The following STPG2 variants were observed in gnomAD, a reference collection of about 807,000 sequenced individuals.
The protein encoded by STPG2 is sperm tail PG-rich repeat containing 2, also known as sperm-tail PG-rich repeat-containing protein 2.
A neutral mutation model predicts 54.2 loss-of-function variants in STPG2; 56 were observed. That is an observed-to-expected ratio of 1.03 (90% CI 0.83 to 1.29). STPG2 has a LOEUF of 1.29. Among genes scored for constraint, STPG2 ranks in the 50% most tolerant of loss-of-function variants. STPG2 has a pLI of 0.00. For missense variants in STPG2, 596 were observed against 544.9 expected, an observed-to-expected ratio of 1.09 and a Z score of -0.93; for synonymous variants, 200 against 181.8, an observed-to-expected ratio of 1.10 and a Z score of -0.81.
chr4:97,844,501 C>T (rs941760396), intron 8 of STPG2, among the ~76,000 whole-genome samples: 1 of 151,970 alleles, frequency 6.6e-6, no homozygotes, highest in Non-Finnish European at 1.5e-5. Context: ...TGTCTTTTCA[C>T]TAATTTCTGA....
At chr4:98,060,015 A>T (rs1405274001) in intron 5 of STPG2, among the ~76,000 whole-genome samples, 1 of 152,126 alleles carries the variant, frequency 6.6e-6, no homozygotes, top group East Asian at 1.9e-4. Context: ...GACAAAGATG[A>T]ACTCTCTCAC....
intron 4 of STPG2, among the ~76,000 whole-genome samples, chr4:97,464,547 G>T (rs1419855257): frequency 1.3e-5 from 2 of 152,084 alleles, no homozygotes; most frequent in Non-Finnish European, 2.9e-5. Flanking sequence ...CTCCCAAGTA[G>T]CTGGAATTAC....
chr4:97,565,726 C>T (rs1159356223), intron 10 of STPG2, among the ~76,000 whole-genome samples: 4 of 152,210 alleles, frequency 2.6e-5, no homozygotes, highest in Non-Finnish European at 5.9e-5. Flanking sequence ...TGGGTACCAG[C>T]AGCGGTGGCT....
intron 8 of STPG2, among the ~76,000 whole-genome samples, chr4:97,852,482 T>C (rs1370408913): frequency 6.6e-6 from 1 of 152,160 alleles, no homozygotes; most frequent in Non-Finnish European, 1.5e-5. Context: ...AAGGACACTG[T>C]GCACAAGGCA....
chr4:97,567,200 A>G (rs948494067), intron 10 of STPG2, among the ~76,000 whole-genome samples: 5 of 146,010 alleles, frequency 3.4e-5, no homozygotes, highest in African/African-American at 1.2e-4. Flanking sequence ...ACACACACAC[A>G]CACACACACA....
chr4:98,043,385 T>C (rs1031574804), intron 5 of STPG2, among the ~76,000 whole-genome samples: 4 of 152,104 alleles, frequency 2.6e-5, no homozygotes, highest in African/African-American at 9.7e-5. Context: ...TTATTAACTA[T>C]TTGTCTTGTA....
chr4:97,869,913 G>A (rs1036198509), intron 8 of STPG2, among the ~76,000 whole-genome samples: 1 of 151,410 alleles, frequency 6.6e-6, no homozygotes, highest in African/African-American at 2.4e-5. Flanking sequence ...TCACTGTTTG[G>A]CAGAGTCAGG....
At chr4:97,534,530 G>T (rs986880794) in intron 4 of STPG2, among the ~76,000 whole-genome samples, 7 of 152,020 alleles carry the variant, frequency 4.6e-5, no homozygotes, top group Non-Finnish European at 1.0e-4. Flanking sequence ...TTTTTGAAAA[G>T]ACTTTTTTTT....
At chr4:97,463,040 T>A (rs184915359) in intron 4 of STPG2, among the ~76,000 whole-genome samples, 20 of 152,298 alleles carry the variant, frequency 1.3e-4, no homozygotes, top group Admixed American at 1.3e-3. Flanking sequence ...TCCTTTTATT[T>A]CTGAATCTAT....
At chr4:97,951,261 C>G (rs1306562769) in intron 7 of STPG2, among the ~76,000 whole-genome samples, 3 of 152,146 alleles carry the variant, frequency 2.0e-5, no homozygotes, top group African/African-American at 7.2e-5. Context: ...CTCATACAGA[C>G]AGCTCTGCAT....
intron 9 of STPG2, among the ~76,000 whole-genome samples, chr4:97,811,025 T>C (rs936977604): frequency 1.3e-5 from 2 of 152,126 alleles, no homozygotes; most frequent in African/African-American, 4.8e-5. Context: ...GGCCTTTAGT[T>C]CCTTTTTTGT....
At chr4:98,140,820 T>C (rs975624299) in intron 1 of STPG2, among the ~76,000 whole-genome samples, 1 of 151,838 alleles carries the variant, frequency 6.6e-6, no homozygotes, top group Non-Finnish European at 1.5e-5. Flanking sequence ...AAAAAAAGAA[T>C]TAAAAAGAAG....
At chr4:97,904,193 T>C (rs1731302038) in intron 8 of STPG2, among the ~76,000 whole-genome samples, 1 of 152,186 alleles carries the variant, frequency 6.6e-6, no homozygotes, top group Non-Finnish European at 1.5e-5. Flanking sequence ...CAGACTTAAA[T>C]GTCCCTGTCT....
chr4:97,919,509 T>A lies in STPG2; in HGVS notation c.1044+24388A>T, dbSNP rs181889670. 4.2e-4 allele frequency among the ~76,000 whole-genome samples: 64 copies of A among 151,938 alleles called. 1 individual carries two copies. The highest frequency in any genetic ancestry group is 1.4e-3 in the African/African-American group (60 of 41,532). ...GAAAAGAGGGAACTTAACTATAGTT[T>A]TCATAAACACAAAAAAAAGAAGAGA... On this transcript the variant is annotated intron_variant, in intron 8 of 10. Coordinates refer to ENST00000295268, the MANE Select transcript of STPG2 (RefSeq NM_174952.3).
At chr4:97,849,360 G>A (rs1729075743) in intron 8 of STPG2, among the ~76,000 whole-genome samples, 1 of 151,962 alleles carries the variant, frequency 6.6e-6, no homozygotes, top group Non-Finnish European at 1.5e-5. Context: ...ATAGGCGTGG[G>A]CAAGGACTTC....
At chr4:97,662,316 A>T (rs1377625465) in intron 10 of STPG2, among the ~76,000 whole-genome samples, 2 of 152,204 alleles carry the variant, frequency 1.3e-5, no homozygotes, top group African/African-American at 4.8e-5. Context: ...TGCAAATCAA[A>T]ACTACAATAA....
intron 9 of STPG2, among the ~76,000 whole-genome samples, chr4:97,836,877 TAATA>T (rs1370567671): frequency 1.3e-5 from 2 of 149,290 alleles, no homozygotes; most frequent in Non-Finnish European, 3.0e-5. Context: ...AACAATAAAT[TAATA>T]TTTAGTTAAT....
intron 8 of STPG2, among the ~76,000 whole-genome samples, chr4:97,881,068 A>C (rs960784012): frequency 6.6e-6 from 1 of 152,064 alleles, no homozygotes; most frequent in African/African-American, 2.4e-5. Flanking sequence ...CCAGGAAATA[A>C]AGGAAGTGGG....
intron 5 of STPG2, among the ~76,000 whole-genome samples, chr4:98,028,413 T>A (rs1271482095): frequency 6.6e-6 from 1 of 152,188 alleles, no homozygotes; most frequent in Non-Finnish European, 1.5e-5. Context: ...CAAAGTCTAG[T>A]TTCCACATAA....
Sources: gnomAD v4.1 joint callset for allele counts (sites outside exome capture counted in the v4.1 genomes callset) on GRCh38, gnomAD v4.1.1 for gene constraint, MANE v1.5 for transcripts, NCBI Gene and HGNC (gene_info 2026-07-23, HGNC 2026-07-21) for gene names.